CNTLN: variants seen among roughly 807,000 people sequenced by gnomAD.
The protein encoded by CNTLN is centlein.
A neutral mutation model predicts 180.0 loss-of-function variants in CNTLN; 212 were observed. The observed-to-expected ratio is 1.18, with a 90% confidence interval of 1.05 to 1.32. The LOEUF (loss-of-function observed/expected upper bound fraction) is 1.32. Among genes scored for constraint, CNTLN ranks in the 40% most tolerant of loss-of-function variants. CNTLN has a pLI of 0.00. For synonymous variants in CNTLN, 722 were observed against 563.1 expected (o/e 1.28, Z -3.99); for missense variants, 2,095 against 1,610.9 (o/e 1.30, Z -5.14).
chr9:17,343,517 A>T (rs374407736), intron 12 of CNTLN, among the ~76,000 whole-genome samples: 3 of 152,172 alleles, frequency 2.0e-5, no homozygotes, highest in African/African-American at 7.2e-5. Context: ...ATGAGATTTA[A>T]ATGTTGTATG....
intron 13 of CNTLN, among the ~76,000 whole-genome samples, chr9:17,375,225 T>C (rs868423334): frequency 6.6e-5 from 10 of 152,208 alleles, no homozygotes; most frequent in Middle Eastern, 6.8e-3. Flanking sequence ...ATTAAAACAA[T>C]TGAACTCATG....
intron 6 of CNTLN, among the ~76,000 whole-genome samples, chr9:17,290,439 G>T (rs1306234142): frequency 1.3e-5 from 2 of 148,848 alleles, no homozygotes. Flanking sequence ...ACTTAAGTCT[G>T]CAGAGGTTAC....
At chr9:17,424,286 C>A (rs142108887) in intron 18 of CNTLN, among the ~76,000 whole-genome samples, 1 of 152,190 alleles carries the variant, frequency 6.6e-6, no homozygotes, top group East Asian at 1.9e-4. Flanking sequence ...ACTTACTCTT[C>A]CAGTTTGAAT....
At chr9:17,254,647 G>A (rs902069746) in intron 5 of CNTLN, among the ~76,000 whole-genome samples, 17 of 151,352 alleles carry the variant, frequency 1.1e-4, no homozygotes, top group African/African-American at 2.4e-5. Flanking sequence ...TTTTTCATTG[G>A]TCTGTATATC....
intron 7 of CNTLN, among the ~76,000 whole-genome samples, chr9:17,307,952 T>G (rs1818835631): frequency 6.7e-6 from 1 of 149,186 alleles, no homozygotes; most frequent in Non-Finnish European, 1.5e-5. Context: ...ATTGTAAGAT[T>G]TTACTGTTAG....
At chr9:17,329,608 CATT>C (rs1820513409) in intron 8 of CNTLN, among the ~76,000 whole-genome samples, 1 of 151,766 alleles carries the variant, frequency 6.6e-6, no homozygotes, top group South Asian at 2.1e-4. Flanking sequence ...TGGTCCCTCT[CATT>C]ATACAAATTG....
chr9:17,427,011 A>G (rs919958188), intron 18 of CNTLN, among the ~76,000 whole-genome samples: 1 of 152,164 alleles, frequency 6.6e-6, no homozygotes. Flanking sequence ...CCTGGTCCCA[A>G]TCAGAGACAT....
chr9:17,412,340 A>G (rs948017450), intron 16 of CNTLN, among the ~76,000 whole-genome samples: 2 of 152,226 alleles, frequency 1.3e-5, no homozygotes, highest in South Asian at 4.1e-4. Context: ...TGTCCAGGAT[A>G]CAATTGAAAA....
chr9:17,246,975 T>A (rs1445670868), intron 5 of CNTLN, among the ~76,000 whole-genome samples: 1 of 152,136 alleles, frequency 6.6e-6, no homozygotes, highest in Non-Finnish European at 1.5e-5. Flanking sequence ...CCCTGGTGCC[T>A]TATTGTAATT....
chr9:17,169,547 C>G (rs1289125048), intron 2 of CNTLN, among the ~76,000 whole-genome samples: 2 of 152,102 alleles, frequency 1.3e-5, no homozygotes, highest in East Asian at 1.9e-4. Flanking sequence ...TAGGATTAAG[C>G]CTTTAATCCA....
At chr9:17,387,851 G>A (rs1225984866) in intron 13 of CNTLN, among the ~76,000 whole-genome samples, 1 of 151,584 alleles carries the variant, frequency 6.6e-6, no homozygotes, top group Non-Finnish European at 1.5e-5. Flanking sequence ...TGCTTTTAAG[G>A]CAAAGGGGGA....
At chr9:17,468,899 T>A (rs1831905076) in intron 23 of CNTLN, among the ~76,000 whole-genome samples, 1 of 151,800 alleles carries the variant, frequency 6.6e-6, no homozygotes, top group South Asian at 2.1e-4. Flanking sequence ...TGAGTAGATG[T>A]CTTAATAGAT....
chr9:17,395,054 ATG>A lies in CNTLN; in HGVS notation c.2603_2604del (p.Val868GlufsTer2). ...AACCTCAGCAAGGACGGCTGGGAGG[ATG>A]TGAGTGAAAGCAGGTAAGGCTCTCA... On this transcript the variant is annotated frameshift_variant, in exon 15 of 26. Coordinates refer to ENST00000380647, the MANE Select transcript of CNTLN (RefSeq NM_017738.4). LOFTEE classifies it high-confidence loss of function. 1 of 1,607,914 alleles carries A rather than the reference ATG, an allele frequency of 6.2e-7. No homozygotes were observed. Among genetic ancestry groups the A allele is most frequent in the Non-Finnish European group, 8.5e-7 (1 of 1,175,792 alleles).
chr9:17,376,902 A>C (rs977675510), intron 13 of CNTLN, among the ~76,000 whole-genome samples: 2 of 152,220 alleles, frequency 1.3e-5, no homozygotes, highest in Non-Finnish European at 2.9e-5. Context: ...AGGTAAATGA[A>C]CTGTAAACTT....
At chr9:17,250,286 ATTG>A (rs1394791831) in intron 5 of CNTLN, among the ~76,000 whole-genome samples, 3 of 151,938 alleles carry the variant, frequency 2.0e-5, no homozygotes, top group Non-Finnish European at 2.9e-5. Context: ...TAGATAACAT[ATTG>A]TTGTAGAATG....
chr9:17,224,930 TG>T (rs1824369913), intron 2 of CNTLN, among the ~76,000 whole-genome samples: 1 of 151,962 alleles, frequency 6.6e-6, no homozygotes, highest in Non-Finnish European at 1.5e-5. Context: ...GAGGGAAGAT[TG>T]CTGTTATTGT....
intron 8 of CNTLN, among the ~76,000 whole-genome samples, chr9:17,318,977 A>G (rs566619794): frequency 1.3e-5 from 2 of 152,318 alleles, no homozygotes; most frequent in East Asian, 1.9e-4. Flanking sequence ...TTATGTTTCT[A>G]TGAATCTTAT....
chr9:17,444,429 G>A (rs1226710926), intron 18 of CNTLN, among the ~76,000 whole-genome samples: 1 of 152,142 alleles, frequency 6.6e-6, no homozygotes, highest in Non-Finnish European at 1.5e-5. Context: ...AGTCATGAGG[G>A]TACAGAGTAG....
At chr9:17,353,363 A>G (rs975415015) in intron 12 of CNTLN, among the ~76,000 whole-genome samples, 1 of 149,056 alleles carries the variant, frequency 6.7e-6, no homozygotes, top group Non-Finnish European at 1.5e-5. Flanking sequence ...ATTTCCCCAC[A>G]TCCTCACCAA....
Sources: gnomAD v4.1 joint callset for allele counts (sites outside exome capture counted in the v4.1 genomes callset) on GRCh38, gnomAD v4.1.1 for gene constraint, MANE v1.5 for transcripts, NCBI Gene and HGNC (gene_info 2026-07-23, HGNC 2026-07-21) for gene names.